CHST11: variants seen among roughly 807,000 people sequenced by gnomAD.
CHST11 encodes carbohydrate sulfotransferase 11.
A neutral mutation model predicts 30.4 loss-of-function variants in CHST11; 9 were observed. That is an observed-to-expected ratio of 0.30 (90% CI 0.18 to 0.52). The LOEUF (loss-of-function observed/expected upper bound fraction) is 0.52, where lower values mean the gene tolerates loss of function less well. Among genes scored for constraint, CHST11 ranks in the 20% least tolerant of loss-of-function variants. The pLI, the probability that CHST11 is intolerant of heterozygous loss-of-function variation, is 0.97. For synonymous variants in CHST11, 152 were observed against 187.8 expected (o/e 0.81, Z 1.56); for missense variants, 348 against 460.6 (o/e 0.76, Z 2.24).
At chr12:104,692,651 C>T (rs1485360565) in intron 2 of CHST11, among the ~76,000 whole-genome samples, 1 of 152,082 alleles carries the variant, frequency 6.6e-6, no homozygotes, top group Non-Finnish European at 1.5e-5. Context: ...GAACCAGGCC[C>T]CACAGCAAGA....
At chr12:104,607,893 G>T (rs2039022358) in intron 2 of CHST11, among the ~76,000 whole-genome samples, 1 of 152,174 alleles carries the variant, frequency 6.6e-6, no homozygotes, top group Admixed American at 6.5e-5. Context: ...TTGGCCGCTT[G>T]CTAACTGTGG....
intron 1 of CHST11, among the ~76,000 whole-genome samples, chr12:104,529,969 C>G (rs2038165758): frequency 6.6e-6 from 1 of 152,028 alleles, no homozygotes; most frequent in Non-Finnish European, 1.5e-5. Flanking sequence ...ACCAGCCTGG[C>G]CAACATAGTG....
At chr12:104,608,756 A>C (rs1175918722) in intron 2 of CHST11, among the ~76,000 whole-genome samples, 2 of 152,150 alleles carry the variant, frequency 1.3e-5, no homozygotes, top group Non-Finnish European at 1.5e-5. Flanking sequence ...TTCTATATGA[A>C]GGCTCTGTGT....
In CHST11 at chr12:104,712,657, G is replaced by A. The variant is rs139012413; in HGVS notation, c.205-44292G>A. Among the ~76,000 whole-genome samples, 357 of 152,280 alleles carry A rather than the reference G, an allele frequency of 2.3e-3. 3 individuals carry two copies. The highest frequency in any genetic ancestry group is 8.2e-3 in the African/African-American group (339 of 41,546). ...CAGCTGTTAACCCTCAGAACTACCA[G>A]CCGAGAGAAATCCTGGTCGGCCAGA... On this transcript the variant is annotated intron_variant, in intron 2 of 2. Coordinates refer to ENST00000303694, the MANE Select transcript of CHST11 (RefSeq NM_018413.6).
At chr12:104,611,516 G>T (rs1436545872) in intron 2 of CHST11, among the ~76,000 whole-genome samples, 1 of 152,188 alleles carries the variant, frequency 6.6e-6, no homozygotes, top group African/African-American at 2.4e-5. Flanking sequence ...TCATCTTGGG[G>T]TGTCCAGTAG....
At chr12:104,732,498 A>G (rs1464106985) in intron 2 of CHST11, among the ~76,000 whole-genome samples, 1 of 152,254 alleles carries the variant, frequency 6.6e-6, no homozygotes, top group East Asian at 1.9e-4. Flanking sequence ...CACATTAGAA[A>G]TAGACCTTCT....
At chr12:104,698,248 C>T (rs1447498780) in intron 2 of CHST11, among the ~76,000 whole-genome samples, 2 of 152,170 alleles carry the variant, frequency 1.3e-5, no homozygotes, top group East Asian at 3.8e-4. Flanking sequence ...ATCCCAACCT[C>T]AACCCATTTC....
At chr12:104,648,534 G>A (rs544779799) in intron 2 of CHST11, among the ~76,000 whole-genome samples, 2 of 152,082 alleles carry the variant, frequency 1.3e-5, no homozygotes, top group Non-Finnish European at 2.9e-5. Context: ...AGGGGGCTGG[G>A]CATGGTGGCT....
intron 1 of CHST11, among the ~76,000 whole-genome samples, chr12:104,578,696 C>T (rs533991576): frequency 6.6e-6 from 1 of 152,282 alleles, no homozygotes; most frequent in South Asian, 2.1e-4. Context: ...ACATGTAAGC[C>T]ATGGAAAGCG....
chr12:104,495,813 C>T (rs1455865807), intron 1 of CHST11, among the ~76,000 whole-genome samples: 4 of 152,178 alleles, frequency 2.6e-5, no homozygotes, highest in Non-Finnish European at 5.9e-5. Context: ...TGAACCCAAC[C>T]GTCTGGCTAC....
At chr12:104,633,667 G>A (rs139890806) in intron 2 of CHST11, among the ~76,000 whole-genome samples, 2,603 of 151,830 alleles carry the variant, frequency 0.017, 75 homozygotes, top group African/African-American at 0.059. Context: ...CGCCTGCCTC[G>A]GCCTCCCAAA....
intron 2 of CHST11, among the ~76,000 whole-genome samples, chr12:104,733,699 C>T (rs1045300255): frequency 3.3e-5 from 5 of 152,232 alleles, no homozygotes; most frequent in African/African-American, 1.2e-4. Flanking sequence ...GAAGTTAAGG[C>T]ACAGAGAGGT....
rs551285573 is a variant in CHST11, at chr12:104,537,665, T to G, written c.119-64241T>G. Among the ~76,000 whole-genome samples the G allele has an allele frequency of 2.6e-5, 4 of 152,184 alleles. No homozygotes were observed. In the South Asian group the frequency reaches 6.2e-4, roughly 24 times the overall value. ...TGAAAATAATACAGATAATATAGTT[T>G]TCATCTGCTCCTCCCAGTACCTCCC... On this transcript the variant is annotated intron_variant, in intron 1 of 2. Coordinates refer to ENST00000303694, the MANE Select transcript of CHST11 (RefSeq NM_018413.6).
At chr12:104,460,902 A>G (rs1475275132) in intron 1 of CHST11, among the ~76,000 whole-genome samples, 2 of 152,210 alleles carry the variant, frequency 1.3e-5, no homozygotes, top group Non-Finnish European at 2.9e-5. Flanking sequence ...AGAATATTTT[A>G]TAGGGCAAGG....
chr12:104,717,570 G>A (rs1417456562), intron 2 of CHST11, among the ~76,000 whole-genome samples: 5 of 152,078 alleles, frequency 3.3e-5, no homozygotes, highest in Admixed American at 1.3e-4. Context: ...TCAGGAGTTC[G>A]AGACCAGCCT....
At chr12:104,532,203 A>C (rs1754068459) in intron 1 of CHST11, among the ~76,000 whole-genome samples, 1 of 152,108 alleles carries the variant, frequency 6.6e-6, no homozygotes, top group Non-Finnish European at 1.5e-5. Flanking sequence ...TGCCCATGTC[A>C]TGGTGTCTGA....
intron 1 of CHST11, among the ~76,000 whole-genome samples, chr12:104,568,511 G>C (rs1228617318): frequency 6.6e-6 from 1 of 152,208 alleles, no homozygotes; most frequent in African/African-American, 2.4e-5. Flanking sequence ...GATGGGAAGA[G>C]AATGGCTGGC....
intron 1 of CHST11, among the ~76,000 whole-genome samples, chr12:104,460,781 A>G (rs1359806655): frequency 6.6e-6 from 1 of 152,180 alleles, no homozygotes; most frequent in Non-Finnish European, 1.5e-5. Context: ...ATTAATTTGC[A>G]AATTTGAGTA....
intron 1 of CHST11, among the ~76,000 whole-genome samples, chr12:104,460,271 G>A (rs1364520767): frequency 6.6e-6 from 1 of 152,150 alleles, no homozygotes; most frequent in African/African-American, 2.4e-5. Context: ...TCTGGCAGGG[G>A]TTCCAGATAC....
Sources: allele counts gnomAD v4.1 joint callset (sites outside exome capture counted in the v4.1 genomes callset), GRCh38; gene constraint gnomAD v4.1.1; transcripts MANE v1.5; gene names NCBI Gene and HGNC (gene_info 2026-07-23, HGNC 2026-07-21).